CES5A: variants seen among roughly 807,000 people sequenced by gnomAD.
CES5A encodes carboxylesterase 5A.
A neutral mutation model predicts 62.9 loss-of-function variants in CES5A; 67 were observed. The observed-to-expected ratio is 1.07, with a 90% CI of 0.88 to 1.31. The LOEUF is 1.31. CES5A is among the 50% of genes most tolerant of loss of function. The pLI is 0.00. For missense variants in CES5A, 748 were observed against 708.5 expected (o/e 1.06, Z -0.63); for synonymous variants, 296 against 280.8 (o/e 1.05, Z -0.54).
intron 8 of CES5A, 106 bp downstream of exon 8, chr16:55,859,441 C>T: frequency 1.7e-6 from 2 of 1,145,694 alleles, no homozygotes; most frequent in Admixed American, 2.1e-5. Flanking sequence ...CTGGTGGGCT[C>T]CAGCACTTAC....
At chr16:55,905,578 G>C (rs1385984141) in intron 1 of CES5A, among the ~76,000 whole-genome samples, 2 of 151,878 alleles carry the variant, frequency 1.3e-5, no homozygotes, top group African/African-American at 4.8e-5. Flanking sequence ...TGTTGGTCAG[G>C]CTCGAACTCC....
Position 55,865,811 on chromosome 16 carries a change from C to G in CES5A, c.705+152G>C, listed in dbSNP as rs1250253409. 3.1e-5 allele frequency: 26 copies of G among 846,922 alleles called. No individual in the cohort carries two copies. The African/African-American group carries it at 3.6e-4, about 12-fold the overall frequency. The allele number at this position is 846,922 out of a possible 1,614,324, so 52.5% of individuals were successfully genotyped here. A position where few individuals can be genotyped will look rare whatever the true frequency, so the allele number is the denominator to read the frequency against. On this transcript the variant is annotated intron_variant, in intron 5 of 12. Transcript: ENST00000290567. Reference sequence around the variant, plus strand: ...CTGTATGTGAAATGAGACTGAGCCCCTAACTCATAATGTGTTGTGAGGCTT... The same window carrying G: ...CTGTATGTGAAATGAGACTGAGCCCGTAACTCATAATGTGTTGTGAGGCTT...
At chr16:55,914,008 C>T (rs1454231942) in intron 1 of CES5A, among the ~76,000 whole-genome samples, 3 of 152,144 alleles carry the variant, frequency 2.0e-5, no homozygotes, top group Non-Finnish European at 4.4e-5. Flanking sequence ...TACTTACTAG[C>T]TCTGCAGCCA....
At chr16:55,940,780 G>A (rs1597159388) in intron 2 of CES5A, among the ~76,000 whole-genome samples, 1 of 150,628 alleles carries the variant, frequency 6.6e-6, no homozygotes, top group Admixed American at 6.6e-5. Context: ...CAAAATAATA[G>A]CAACCAAATT....
At chr16:55,879,906 A>G (rs1023153265), upstream of CES5A, among the ~76,000 whole-genome samples, 3 of 152,180 alleles carry the variant, frequency 2.0e-5, no homozygotes, top group African/African-American at 7.2e-5. Context: ...CACTTAGGTG[A>G]CTTCTTTACC....
chr16:55,866,003 A>T lies in CES5A; in HGVS notation c.665T>A (p.Ile222Asn). 2 of 1,614,238 alleles carry T rather than the reference A, an allele frequency of 1.2e-6. No individual in the cohort carries two copies. The highest frequency in any genetic ancestry group is 1.7e-6 in the Non-Finnish European group (2 of 1,180,036). ...TATGGCTCCCGCGGACTCGCCAAAG[A>T]TGGTCACAGAGCTGGGGTCCCCACC... is the stretch of plus-strand genomic sequence containing the variant. ...FFGGDPSSVT[I>N]FGESAGAISV... Residue 222 changes from isoleucine to asparagine, a missense_variant, in exon 5 of 13, where the codon ATC (isoleucine) becomes AAC (asparagine). By Grantham distance (149) the Ile-to-Asn change is moderately radical (BLOSUM62 -3). Transcript: ENST00000290567.
chr16:55,852,145 A>G, intron 10 of CES5A, among the ~76,000 whole-genome samples: 1 of 152,244 alleles, frequency 6.6e-6, no homozygotes, highest in East Asian at 1.9e-4. Context: ...TTGTACAACA[A>G]TATGAATGTA....
intron 2 of CES5A, among the ~76,000 whole-genome samples, chr16:55,940,489 A>T (rs1228550911): frequency 6.6e-6 from 1 of 152,062 alleles, no homozygotes; most frequent in Non-Finnish European, 1.5e-5. Context: ...GATGAAATGA[A>T]TAACCTAAAT....
intron 1 of CES5A, among the ~76,000 whole-genome samples, chr16:55,922,390 A>C (rs1344499629): frequency 6.6e-6 from 1 of 152,002 alleles, no homozygotes; most frequent in African/African-American, 2.4e-5. Context: ...GAGCAGAAGT[A>C]GTTATACTTA....
chr16:55,925,669 A>G (rs1285438721), upstream of CES5A, among the ~76,000 whole-genome samples: 1 of 152,170 alleles, frequency 6.6e-6, no homozygotes, highest in Non-Finnish European at 1.5e-5. Context: ...ACACAATGAA[A>G]TATCTTTCAG....
chr16:55,888,005 G>A (rs188126674), intron 1 of CES5A, among the ~76,000 whole-genome samples: 294 of 152,268 alleles, frequency 1.9e-3, no homozygotes, highest in African/African-American at 6.9e-3. Context: ...CAAGGGTCTG[G>A]TGATACCTGG....
At position 55,852,915 on chromosome 16, in the gene CES5A, C is replaced by A. The variant is rs1217955093; in HGVS notation, c.1239G>T (p.Val413=). 9.9e-6 allele frequency: 16 copies of A among 1,613,974 alleles called. No individual in the cohort carries two copies. Among genetic ancestry groups the A allele is most frequent in the Non-Finnish European group, 1.4e-5 (16 of 1,180,012 alleles). Residue 413 remains valine (V), a synonymous_variant, in exon 10 of 13, where the codon GTG becomes GTT. Transcript: ENST00000290567. ...LLDLLGDVFF[V]VPALITARYH... is the part of the protein sequence containing the mutation. ...ATCGAGCTGTGATCAGTGCAGGGAC[C>A]ACAAAGAACACATCTCCAAGCAAGT...
rs529240637 is a variant in CES5A at position 55,846,226 on chromosome 16, C to T, written c.*225G>A. 8.8e-5 allele frequency: 51 copies of T among 582,018 alleles called. No homozygotes were observed. The East Asian group carries it at 1.4e-3, about 16-fold the overall frequency. 36.1% of individuals were successfully genotyped at this position (582,018 alleles called of 1,614,324 possible). On this transcript the variant is annotated 3_prime_UTR_variant, in exon 13 of 13. Transcript: ENST00000290567. Reference sequence around the variant, plus strand: ...TTATGACAACTAATAGGCCAGCCCTCTTCCAAATTTATTGAAGAAATCTTG... The same window carrying T: ...TTATGACAACTAATAGGCCAGCCCTTTTCCAAATTTATTGAAGAAATCTTG...
At chr16:55,859,815 T>A in intron 7 of CES5A, 128 bp from the exon 8 acceptor site, 1 of 777,510 alleles carries the variant, frequency 1.3e-6, no homozygotes, top group South Asian at 1.9e-5. Context: ...ACTTAAAAAG[T>A]AAAAACAAAC....
At chr16:55,900,950 G>A (rs1597141599) in intron 1 of CES5A, among the ~76,000 whole-genome samples, 1 of 152,312 alleles carries the variant, frequency 6.6e-6, no homozygotes, top group East Asian at 1.9e-4. Flanking sequence ...GCACAAAGAG[G>A]AAGGGGTTTG....
chr16:55,861,163 G>A (rs1365232508), intron 7 of CES5A, among the ~76,000 whole-genome samples: 2 of 152,142 alleles, frequency 1.3e-5, no homozygotes, highest in Non-Finnish European at 2.9e-5. Context: ...ATGCTTTCAG[G>A]GACTTAGAGA....
upstream of CES5A, chr16:55,875,399 G>A (rs1597129914): frequency 2.2e-6 from 3 of 1,382,708 alleles, no homozygotes; most frequent in Non-Finnish European, 2.8e-6. Context: ...GACTAAGCAA[G>A]ACTTTCCTGT....
chr16:55,949,994 AAT>A (rs2034537608), intron 1 of CES5A: 1 of 469,062 alleles, frequency 2.1e-6, no homozygotes, highest in Admixed American at 4.1e-5. Flanking sequence ...TATAAGTAAG[AAT>A]ATAACAACAT....
At chr16:55,881,619 T>A (rs1385934927) in intron 1 of CES5A, among the ~76,000 whole-genome samples, 1 of 152,092 alleles carries the variant, frequency 6.6e-6, no homozygotes, top group Non-Finnish European at 1.5e-5. Flanking sequence ...AATGGCCAAG[T>A]ATTGATGAAG....
Sources: gnomAD v4.1 joint callset for allele counts (sites outside exome capture counted in the v4.1 genomes callset) on GRCh38, gnomAD v4.1.1 for gene constraint, MANE v1.5 for transcripts, NCBI Gene and HGNC (gene_info 2026-07-23, HGNC 2026-07-21) for gene names.